Variants in ADGRG2 observed in about 807,000 individuals in gnomAD.
ADGRG2 encodes adhesion G protein-coupled receptor G2, also known as G protein-coupled receptor 64.
In ADGRG2, 26 loss-of-function variants were observed where a neutral mutation model predicts 74.1. That is an observed-to-expected ratio of 0.35 (90% CI 0.26 to 0.49). ADGRG2 has a LOEUF of 0.49. Among genes scored for constraint, ADGRG2 ranks in the 20% least tolerant of loss-of-function variants. ADGRG2 has a pLI of 0.99. For missense variants in ADGRG2, 619 were observed against 763.1 expected (o/e 0.81, Z 2.22); for synonymous variants, 296 against 295.2 (o/e 1.00, Z -0.03).
chrX:19,024,824 C>G (rs1426095680), intron 11 of ADGRG2, among the ~76,000 whole-genome samples: 1 of 112,620 alleles, frequency 8.9e-6, no homozygotes, highest in African/African-American at 3.2e-5. Flanking sequence ...CTGCTAACTC[C>G]TCAAGCTGGC....
At chrX:19,005,217 T>C (rs1296314715) in intron 22 of ADGRG2, among the ~76,000 whole-genome samples, 1 of 112,442 alleles carries the variant, frequency 8.9e-6, no homozygotes, top group Non-Finnish European at 1.9e-5. Flanking sequence ...GCCTCTTACA[T>C]TTCTTAGTTC....
intron 3 of ADGRG2, among the ~76,000 whole-genome samples, chrX:19,048,994 A>G (rs2061253251): frequency 8.9e-6 from 1 of 111,798 alleles, no homozygotes; most frequent in African/African-American, 3.3e-5. Flanking sequence ...CATTTCCATG[A>G]AACAGACAGC....
At chrX:19,040,973 CATGT>C (rs2061048031) in intron 3 of ADGRG2, among the ~76,000 whole-genome samples, 1 of 110,334 alleles carries the variant, frequency 9.1e-6, no homozygotes, top group Admixed American at 9.7e-5. Context: ...TAGATATATG[CATGT>C]GTTTATATGT....
intron 3 of ADGRG2, among the ~76,000 whole-genome samples, chrX:19,066,190 C>A (rs1176745769): frequency 8.9e-6 from 1 of 112,044 alleles, no homozygotes; most frequent in Non-Finnish European, 1.9e-5. Context: ...TGACAACGTG[C>A]CCCAGTACCT....
chrX:19,036,522 T>C (rs183999237), intron 6 of ADGRG2: 1 of 110,667 alleles, frequency 9.0e-6, no homozygotes, highest in African/African-American at 3.3e-5. Flanking sequence ...ATCGATTCTA[T>C]TGGCATTTCT....
chrX:19,030,865 G>T, intron 9 of ADGRG2, 119 bp downstream of exon 9: 1 of 464,014 alleles, frequency 2.2e-6, no homozygotes, highest in Non-Finnish European at 3.6e-6. Context: ...GTAGCCAGGT[G>T]GCATGAAAAG....
At chrX:19,095,413 T>C (rs2062079629) in intron 1 of ADGRG2, among the ~76,000 whole-genome samples, 2 of 110,806 alleles carry the variant, frequency 1.8e-5, no homozygotes, top group African/African-American at 6.6e-5. Context: ...GAAGGCAGTG[T>C]GATGTTTGTG....
At chrX:19,037,356 T>C (rs1221382058) in intron 6 of ADGRG2, 111 bp downstream of exon 6, 2 of 577,423 alleles carry the variant, frequency 3.5e-6, no homozygotes, top group Non-Finnish European at 5.4e-6. Flanking sequence ...TATTTGAAAC[T>C]ACTCGACGTA....
chrX:18,998,095 A>G (rs2060051371), intron 26 of ADGRG2, among the ~76,000 whole-genome samples: 1 of 112,347 alleles, frequency 8.9e-6, no homozygotes, highest in Admixed American at 9.4e-5. Context: ...TGGGAAACCT[A>G]AAGCAGATGG....
chrX:19,031,624 G>C (rs1384061978), intron 8 of ADGRG2: 1 of 112,197 alleles, frequency 8.9e-6, no homozygotes, highest in African/African-American at 3.2e-5. Context: ...GATGATACTA[G>C]CCAGTAAATA....
chrX:19,060,794 T>C (rs1431105096), intron 3 of ADGRG2, among the ~76,000 whole-genome samples: 2 of 111,197 alleles, frequency 1.8e-5, no homozygotes, highest in Admixed American at 1.9e-4. Context: ...ATGATCCACG[T>C]GGCTCGGCCT....
chrX:19,026,239 T>C (rs938422009), intron 11 of ADGRG2, among the ~76,000 whole-genome samples: 3 of 112,678 alleles, frequency 2.7e-5, no homozygotes, highest in Non-Finnish European at 5.6e-5. Flanking sequence ...TTGTTTTGTT[T>C]TTAAATGAAA....
chrX:19,028,962 C>T (rs1029335811), intron 9 of ADGRG2, among the ~76,000 whole-genome samples: 20 of 111,995 alleles, frequency 1.8e-4, no homozygotes, highest in African/African-American at 5.8e-4. Flanking sequence ...ATAGGCAATA[C>T]GTAAATGAAC....
chrX:19,017,121 C>T lies in ADGRG2; in HGVS notation c.710+2478G>A, dbSNP rs746809028. Reference sequence around the variant, plus strand: ...GCTCTACAGTCTCTATACAGACCCTCGGTGCTCAAAGTGGGGTCCATGAAC... The same window carrying T: ...GCTCTACAGTCTCTATACAGACCCTTGGTGCTCAAAGTGGGGTCCATGAAC... On this transcript the variant is annotated intron_variant, in intron 15 of 28. Transcript: ENST00000379869. 2.7e-5 allele frequency among the ~76,000 whole-genome samples: 3 copies of T among 111,804 alleles called. No individual in the cohort carries two copies. The South Asian group carries it at 1.1e-3, about 42-fold the overall frequency.
chrX:19,041,406 G>C (rs1162797992), intron 3 of ADGRG2, among the ~76,000 whole-genome samples: 1 of 111,754 alleles, frequency 8.9e-6, no homozygotes, highest in Non-Finnish European at 1.9e-5. Context: ...CCCAAATACT[G>C]ACCCACATGG....
At chrX:18,994,149 C>T in intron 28 of ADGRG2, among the ~76,000 whole-genome samples, 1 of 111,964 alleles carries the variant, frequency 8.9e-6, no homozygotes, top group Non-Finnish European at 1.9e-5. Flanking sequence ...AAGACAGCCA[C>T]ATTGTGGGAA....
intron 1 of ADGRG2, among the ~76,000 whole-genome samples, chrX:19,098,738 T>C (rs1177270374): frequency 9.0e-6 from 1 of 111,479 alleles, no homozygotes; most frequent in African/African-American, 3.3e-5. Context: ...GAAGATGACA[T>C]CTGAGCAAAG....
intron 1 of ADGRG2, among the ~76,000 whole-genome samples, chrX:19,114,028 C>T (rs1238808658): frequency 1.0e-5 from 1 of 100,451 alleles, no homozygotes. Context: ...GCCGAGATTG[C>T]ACCACTGCAC....
At chrX:19,074,544 T>TTTCTTCTTTCTTCTTC (rs1569126714) in intron 2 of ADGRG2, among the ~76,000 whole-genome samples, 4 of 71,704 alleles carry the variant, frequency 5.6e-5, no homozygotes, top group African/African-American at 1.9e-4. Context: ...GCGCATTTTC[T>TTTCTTCTTTCTTCTTC]TTCTTCTTCT....
Sources: allele counts gnomAD v4.1 joint callset (sites outside exome capture counted in the v4.1 genomes callset), GRCh38; gene constraint gnomAD v4.1.1; transcripts MANE v1.5; gene names NCBI Gene and HGNC (gene_info 2026-07-23, HGNC 2026-07-21).